The following AOPEP variants were observed in gnomAD, a reference collection of about 807,000 sequenced individuals.
AOPEP encodes aminopeptidase O (putative).
AOPEP carries 77 observed loss-of-function variants against 98.1 expected under a neutral mutation model. That is an observed-to-expected ratio of 0.78 (90% CI 0.65 to 0.95). The LOEUF is 0.95. Ranked by LOEUF, AOPEP falls within the 40% of genes least tolerant of loss-of-function variation. AOPEP has a pLI of 0.00. For synonymous variants in AOPEP, 346 were observed against 365.3 expected, an observed-to-expected ratio of 0.95 and a Z score of 0.60; for missense variants, 1,024 against 1,024.7, an observed-to-expected ratio of 1.00 and a Z score of 0.01.
At chr9:95,096,495 A>T in the AOPEP span, among the ~76,000 whole-genome samples, 46 of 152,162 alleles carry the variant, frequency 3.0e-4, no homozygotes, top group Middle Eastern at 3.2e-3. Context: ...GAGGGTCTTC[A>T]CACCGCCAGT....
chr9:95,093,154 G>A, the AOPEP span, among the ~76,000 whole-genome samples: 7 of 142,312 alleles, frequency 4.9e-5, no homozygotes, highest in African/African-American at 9.0e-5. Flanking sequence ...AGTTAAAAGC[G>A]TGGAGGAAGT....
intron 5 of AOPEP, among the ~76,000 whole-genome samples, chr9:94,861,200 G>A (rs2044928420): frequency 6.6e-6 from 1 of 152,180 alleles, no homozygotes; most frequent in African/African-American, 2.4e-5. Context: ...TCTCGAGGAG[G>A]CTTCATGACG....
chr9:94,992,321 C>T (rs1312033578), intron 11 of AOPEP, among the ~76,000 whole-genome samples: 1 of 152,212 alleles, frequency 6.6e-6, no homozygotes, highest in Non-Finnish European at 1.5e-5. Context: ...CAGCAAAAGA[C>T]CCTGTTCTTC....
chr9:94,785,921 T>C (rs1844330716), intron 3 of AOPEP, among the ~76,000 whole-genome samples: 1 of 152,238 alleles, frequency 6.6e-6, no homozygotes, highest in African/African-American at 2.4e-5. Context: ...CCCTTTAGGC[T>C]GTCATTCTCC....
intron 14 of AOPEP, among the ~76,000 whole-genome samples, chr9:95,076,421 G>A (rs954754265): frequency 6.6e-6 from 1 of 152,178 alleles, no homozygotes; most frequent in Admixed American, 6.5e-5. Flanking sequence ...AGTCTTTACT[G>A]TTAGGATGTA....
intron 2 of AOPEP, among the ~76,000 whole-genome samples, chr9:94,762,085 A>ATT (rs915227346): frequency 1.3e-5 from 2 of 152,188 alleles, no homozygotes; most frequent in African/African-American, 4.8e-5. Context: ...AAACAAAGAG[A>ATT]TTAGACTGGT....
At chr9:94,781,148 G>A (rs899606567) in intron 3 of AOPEP, among the ~76,000 whole-genome samples, 8 of 151,574 alleles carry the variant, frequency 5.3e-5, no homozygotes, top group African/African-American at 1.9e-4. Flanking sequence ...TAACTTGCTT[G>A]GCTCTTTTAT....
chr9:94,760,395 C>T lies in AOPEP; in HGVS notation c.612C>T (p.Asp204=), dbSNP rs746153185. 2 of 1,614,072 alleles carry T rather than the reference C, an allele frequency of 1.2e-6. No individual in the cohort carries two copies. The highest frequency in any genetic ancestry group is 1.7e-6 in the Non-Finnish European group (2 of 1,179,974). The stretch of plus-strand genomic sequence containing the variant: ...CAAATCGTTGGAGGGAGCAGTTAGA[C>T]TATTACGCTCGCTGCAGCCAGGCTC... ...LPANRWREQL[D]YYARCSQAPG... The change falls in exon 2 of 17, where the codon GAC becomes GAT. Residue 204 remains aspartate, a synonymous_variant. Coordinates refer to ENST00000375315, the MANE Select transcript of AOPEP (RefSeq NM_001193329.3).
At position 95,024,516 on chromosome 9, in the gene AOPEP, C is replaced by T. The variant is rs995667041; in HGVS notation, c.2115+18900C>T. 2.0e-5 allele frequency among the ~76,000 whole-genome samples: 3 copies of T among 152,176 alleles called. No individual in the cohort carries two copies. In the East Asian group the frequency reaches 5.8e-4, roughly 29 times the overall value. On this transcript the variant is annotated intron_variant, in intron 13 of 16. Coordinates refer to ENST00000375315, the MANE Select transcript of AOPEP (RefSeq NM_001193329.3). ...ACGCCACCTGGTCATTGGCCAGAGCCGTTTCTAGATATGGTATCTGACCCC... is the reference window on the plus strand; with the variant it reads ...ACGCCACCTGGTCATTGGCCAGAGCTGTTTCTAGATATGGTATCTGACCCC...
chr9:94,967,613 A>G (rs2059285413), intron 9 of AOPEP, 145 bp from the exon 10 acceptor site: 1 of 625,076 alleles, frequency 1.6e-6, no homozygotes, highest in Non-Finnish European at 2.9e-6. Flanking sequence ...TAATAAGTTG[A>G]GTCTATAGTC....
intron 5 of AOPEP, among the ~76,000 whole-genome samples, chr9:94,868,020 A>G (rs892482443): frequency 3.3e-5 from 5 of 152,238 alleles, no homozygotes; most frequent in African/African-American, 1.2e-4. Flanking sequence ...CCATTCTGAC[A>G]GAACACTCTG....
chr9:94,943,007 C>A (rs72750326), intron 7 of AOPEP, among the ~76,000 whole-genome samples: 4,788 of 149,526 alleles, frequency 0.032, 210 homozygotes, highest in African/African-American at 0.094. Context: ...TAAAATTATA[C>A]AACAAACAGA....
At chr9:94,976,983 G>T (rs2059889367) in intron 10 of AOPEP, among the ~76,000 whole-genome samples, 1 of 152,148 alleles carries the variant, frequency 6.6e-6, no homozygotes, top group Non-Finnish European at 1.5e-5. Flanking sequence ...TCAGCCTCTT[G>T]CTCTGGCTTT....
At chr9:95,067,479 C>T (rs1236268821) in intron 14 of AOPEP, among the ~76,000 whole-genome samples, 1 of 152,176 alleles carries the variant, frequency 6.6e-6, no homozygotes, top group East Asian at 1.9e-4. Context: ...TTTGCCCATC[C>T]ATGGGTGGAA....
intron 13 of AOPEP, among the ~76,000 whole-genome samples, chr9:95,056,798 A>T (rs1049064747): frequency 1.3e-5 from 2 of 152,248 alleles, no homozygotes; most frequent in Non-Finnish European, 2.9e-5. Context: ...AGTAGAACAC[A>T]GACTTCTAAA....
intron 9 of AOPEP, among the ~76,000 whole-genome samples, chr9:94,963,106 C>T (rs1471571440): frequency 6.6e-6 from 1 of 152,248 alleles, no homozygotes; most frequent in Non-Finnish European, 1.5e-5. Context: ...TAACTTCTTC[C>T]TGACAATTTC....
chr9:94,844,317 T>C (rs10821406), intron 5 of AOPEP, among the ~76,000 whole-genome samples: 144,190 of 152,188 alleles, frequency 0.95, 68,330 homozygotes, highest in Middle Eastern at 0.99. Flanking sequence ...CCATACCCTT[T>C]TAAGAAAAAA....
chr9:94,827,812 G>A (rs939901160), intron 5 of AOPEP, among the ~76,000 whole-genome samples: 2 of 152,214 alleles, frequency 1.3e-5, no homozygotes, highest in African/African-American at 4.8e-5. Context: ...GTGTGTGCCT[G>A]TTCATAAGCC....
chr9:94,828,937 C>T (rs934722895), intron 5 of AOPEP, among the ~76,000 whole-genome samples: 1 of 151,462 alleles, frequency 6.6e-6, no homozygotes, highest in Non-Finnish European at 1.5e-5. Context: ...GGCCCAATCT[C>T]GACTCACTGC....
Sources: gnomAD v4.1 joint callset for allele counts (sites outside exome capture counted in the v4.1 genomes callset) on GRCh38, gnomAD v4.1.1 for gene constraint, MANE v1.5 for transcripts, NCBI Gene and HGNC (gene_info 2026-07-23, HGNC 2026-07-21) for gene names.